Variants in NCOR1 observed in about 807,000 individuals in gnomAD.
NCOR1 encodes the protein nuclear receptor corepressor 1.
In NCOR1, 63 loss-of-function variants were observed where a neutral mutation model predicts 288.1. That is an observed-to-expected ratio of 0.22 (90% CI 0.18 to 0.27). The LOEUF is 0.27. Ranked by LOEUF, NCOR1 falls within the 10% of genes least tolerant of loss-of-function variation. NCOR1 has a pLI of 1.00. For synonymous variants in NCOR1, 1,007 were observed against 1,065.9 expected, an observed-to-expected ratio of 0.94 and a Z score of 1.08; for missense variants, 2,397 against 3,019.2, an observed-to-expected ratio of 0.79 and a Z score of 4.83.
Position 16,118,023 on chromosome 17 carries a change from T to C in NCOR1, c.1920A>G (p.Leu640=). Reference sequence around the variant, plus strand: ...CTGCCCAGTTACGACCATGTTCTACTAGACCTGCATTTTAAAAACAGACCA... The same window carrying C: ...CTGCCCAGTTACGACCATGTTCTACCAGACCTGCATTTTAAAAACAGACCA... ...EEEMEVAKKG[L]VEHGRNWAAI... The change falls in exon 18 of 46, where the codon CTA becomes CTG. Residue 640 remains leucine, a synonymous_variant. Coordinates refer to ENST00000268712, the MANE Select transcript of NCOR1 (RefSeq NM_006311.4). 5 of 1,611,214 alleles carry C rather than the reference T, an allele frequency of 3.1e-6. No homozygotes were observed. Among genetic ancestry groups the C allele is most frequent in the Non-Finnish European group, 2.5e-6 (3 of 1,179,142 alleles).
chr17:16,215,089 G>A (rs1036681370), intron 1 of NCOR1, among the ~76,000 whole-genome samples: 1 of 152,188 alleles, frequency 6.6e-6, no homozygotes, highest in Non-Finnish European at 1.5e-5. Context: ...GGACACCTCG[G>A]GGCCAGCCCC....
rs1162548673 is a variant in NCOR1, at chr17:16,186,839, A to G, written c.109-152T>C. The G allele has an allele frequency of 8.7e-6, 6 of 691,832 alleles. No homozygotes were observed. The East Asian group carries it at 1.6e-4, about 19-fold the overall frequency. 42.9% of individuals were successfully genotyped at this position (691,832 alleles called of 1,614,324 possible). Reference sequence around the variant, plus strand: ...CTTCATTGATCTAATTCTTCCCCTTAAAATAATCAACATTTTAACTATATA... The same window carrying G: ...CTTCATTGATCTAATTCTTCCCCTTGAAATAATCAACATTTTAACTATATA... On this transcript the variant is annotated intron_variant, in intron 2 of 45. Transcript: ENST00000268712.
chr17:16,168,718 C>T (rs2082521414), intron 4 of NCOR1, among the ~76,000 whole-genome samples: 1 of 151,974 alleles, frequency 6.6e-6, no homozygotes, highest in South Asian at 2.1e-4. Context: ...CGCCTATAAT[C>T]CCAGCATATT....
chr17:16,102,264 A>G (rs190886563), intron 19 of NCOR1, among the ~76,000 whole-genome samples: 169 of 152,232 alleles, frequency 1.1e-3, no homozygotes, highest in Non-Finnish European at 1.7e-3. Flanking sequence ...AATTGGTCAA[A>G]TAATTTAAAC....
intron 10 of NCOR1, among the ~76,000 whole-genome samples, chr17:16,145,856 G>C (rs992774668): frequency 6.6e-6 from 1 of 152,202 alleles, no homozygotes; most frequent in African/African-American, 2.4e-5. Flanking sequence ...GACTAGAGAG[G>C]GGGGGAAATG....
chr17:16,108,649 T>A, intron 19 of NCOR1, 137 bp downstream of exon 19: 1 of 584,994 alleles, frequency 1.7e-6, no homozygotes, highest in Non-Finnish European at 2.7e-6. Flanking sequence ...AACATTATGT[T>A]CAAGTTTGAA....
At chr17:16,140,997 C>CAAAAA (rs372397821) in intron 11 of NCOR1, among the ~76,000 whole-genome samples, 54 of 113,756 alleles carry the variant, frequency 4.7e-4, no homozygotes, top group Non-Finnish European at 7.9e-4. Context: ...TCTCCTATCT[C>CAAAAA]AAAAAAAAAA....
chr17:16,130,787 G>T (rs1025550402), intron 14 of NCOR1, among the ~76,000 whole-genome samples: 2 of 150,686 alleles, frequency 1.3e-5, no homozygotes, highest in South Asian at 4.2e-4. Flanking sequence ...AGGCTCAAGC[G>T]ATCCTCCCAC....
intron 19 of NCOR1, among the ~76,000 whole-genome samples, chr17:16,104,812 T>C (rs1030700866): frequency 6.6e-6 from 1 of 152,134 alleles, no homozygotes; most frequent in Non-Finnish European, 1.5e-5. Context: ...TGGTGATCAG[T>C]GCAGTGACTA....
chr17:16,207,341 A>C (rs1183778753), intron 1 of NCOR1, among the ~76,000 whole-genome samples: 1 of 152,204 alleles, frequency 6.6e-6, no homozygotes, highest in Admixed American at 6.5e-5. Flanking sequence ...GACAGTGATA[A>C]TGGCAAGAAG....
chr17:16,094,983 C>A (rs2066122885), intron 21 of NCOR1, among the ~76,000 whole-genome samples: 1 of 152,082 alleles, frequency 6.6e-6, no homozygotes, highest in African/African-American at 2.4e-5. Flanking sequence ...TGCCCGGCCG[C>A]CACCCCGTCT....
At chr17:16,172,965 T>C (rs571307529) in intron 3 of NCOR1, among the ~76,000 whole-genome samples, 1 of 152,292 alleles carries the variant, frequency 6.6e-6, no homozygotes. Context: ...TTTGTTTATT[T>C]CTTTTTTGAG....
At chr17:16,079,436 AAAATTAACAACTAACTG>A (rs1239403017) in intron 26 of NCOR1, among the ~76,000 whole-genome samples, 7 of 152,236 alleles carry the variant, frequency 4.6e-5, no homozygotes, top group African/African-American at 1.7e-4. Context: ...GTATCAAGTT[AAAATTAACAACTAACTG>A]AGAGAAATTT....
At chr17:16,151,523 G>A in intron 8 of NCOR1, 1 of 1,127,712 alleles carries the variant, frequency 8.9e-7, no homozygotes, top group Non-Finnish European at 1.2e-6. Context: ...ACTTTGCAAT[G>A]GCAGATGTGG....
chr17:16,177,426 T>C (rs1457958039), intron 3 of NCOR1, among the ~76,000 whole-genome samples: 1 of 152,150 alleles, frequency 6.6e-6, no homozygotes, highest in Non-Finnish European at 1.5e-5. Context: ...TTCGCCTCAT[T>C]TGTGCCATTC....
intron 26 of NCOR1, among the ~76,000 whole-genome samples, chr17:16,075,955 C>T (rs1475615281): frequency 6.6e-6 from 1 of 152,192 alleles, no homozygotes; most frequent in Non-Finnish European, 1.5e-5. Flanking sequence ...TTTGCTCTCA[C>T]CTTCATGTGA....
chr17:16,095,492 G>C (rs1474032939), intron 21 of NCOR1, among the ~76,000 whole-genome samples: 5 of 144,666 alleles, frequency 3.5e-5, no homozygotes, highest in African/African-American at 1.3e-4. Flanking sequence ...GGGAGGTAGG[G>C]GGGTCAGCCC....
Position 16,127,342 on chromosome 17 carries a change from T to C in NCOR1, c.1510-1136A>G, listed in dbSNP as rs894554627. 1.5e-5 allele frequency among the ~76,000 whole-genome samples: 2 copies of C among 129,354 alleles called. 1 individual carries two copies. Among genetic ancestry groups the C allele is most frequent in the East Asian group, 4.2e-4 (2 of 4,812 alleles). 84.9% of individuals were successfully genotyped at this position (129,354 alleles called of 152,430 possible). A position where few individuals can be genotyped will look rare whatever the true frequency, so the allele number is the denominator to read the frequency against. On this transcript the variant is annotated intron_variant, in intron 14 of 45. Coordinates refer to ENST00000268712, the MANE Select transcript of NCOR1 (RefSeq NM_006311.4). ...GTATATATGTATGTATATATACATG[T>C]ATGTATATATGTATGTATATATACA... is the stretch of plus-strand genomic sequence containing the variant.
At chr17:16,054,025 C>CAT (rs1422381425) in intron 40 of NCOR1, among the ~76,000 whole-genome samples, 2 of 133,364 alleles carry the variant, frequency 1.5e-5, no homozygotes, top group African/African-American at 2.8e-5. Context: ...TTCTTTATAC[C>CAT]ATATATATAT....
Sources: allele counts gnomAD v4.1 joint callset (sites outside exome capture counted in the v4.1 genomes callset), GRCh38; gene constraint gnomAD v4.1.1; transcripts MANE v1.5; gene names NCBI Gene and HGNC (gene_info 2026-07-23, HGNC 2026-07-21).